TBC1D19: variants seen among roughly 807,000 people sequenced by gnomAD.
TBC1D19 encodes the protein TBC1 domain family, member 19.
Under a neutral mutation model 89.0 loss-of-function variants are expected in TBC1D19, and 60 were observed. The ratio of observed to expected loss-of-function variants is 0.67; its 90% CI spans 0.55 to 0.84. The LOEUF is 0.84. Ranked by LOEUF, TBC1D19 falls within the 40% of genes least tolerant of loss-of-function variation. TBC1D19 has a pLI of 0.00. For missense variants in TBC1D19, 500 were observed against 610.8 expected, an observed-to-expected ratio of 0.82 and a Z score of 1.91; for synonymous variants, 189 against 199.7, an observed-to-expected ratio of 0.95 and a Z score of 0.45.
intron 13 of TBC1D19, among the ~76,000 whole-genome samples, chr4:26,696,099 G>C (rs1372892389): frequency 6.6e-6 from 1 of 152,226 alleles, no homozygotes; most frequent in Non-Finnish European, 1.5e-5. Context: ...TCAGTGTGCT[G>C]TATTCAGGAG....
the TBC1D19 span, among the ~76,000 whole-genome samples, chr4:26,761,303 C>G: frequency 6.6e-6 from 1 of 152,154 alleles, no homozygotes; most frequent in East Asian, 1.9e-4. Context: ...TAATTGATAT[C>G]ATTAACAATG....
At chr4:26,665,462 T>G (rs370246644) in intron 8 of TBC1D19, among the ~76,000 whole-genome samples, 17 of 152,172 alleles carry the variant, frequency 1.1e-4, no homozygotes, top group South Asian at 4.2e-4. Context: ...GGCATAAAAA[T>G]GTGAATAATG....
chr4:26,796,228 G>C, the TBC1D19 span, among the ~76,000 whole-genome samples: 1 of 152,116 alleles, frequency 6.6e-6, no homozygotes, highest in African/African-American at 2.4e-5. Flanking sequence ...TATAGAATAA[G>C]CTTCCAAAAG....
At chr4:26,803,526 A>G in the TBC1D19 span, among the ~76,000 whole-genome samples, 5 of 152,350 alleles carry the variant, frequency 3.3e-5, no homozygotes, top group African/African-American at 1.2e-4. Context: ...CCCTGTGACT[A>G]GAGTTCTCAA....
downstream of TBC1D19, among the ~76,000 whole-genome samples, chr4:26,757,337 G>T (rs185317517): frequency 1.1e-4 from 16 of 152,102 alleles, no homozygotes; most frequent in East Asian, 2.9e-3. Context: ...CTTTAACCAC[G>T]CCTCCTTAGG....
intron 4 of TBC1D19, among the ~76,000 whole-genome samples, chr4:26,623,347 C>A (rs757801975): frequency 1.3e-5 from 2 of 152,116 alleles, no homozygotes; most frequent in Non-Finnish European, 2.9e-5. Context: ...CCAGTGGATT[C>A]TTTTTGCTGT....
intron 1 of TBC1D19, among the ~76,000 whole-genome samples, chr4:26,594,233 C>T (rs559616163): frequency 2.6e-5 from 4 of 152,192 alleles, no homozygotes; most frequent in South Asian, 2.1e-4. Context: ...AGCAAACTAT[C>T]GCATGGACAA....
chr4:26,607,964 G>T (rs1481201355), intron 1 of TBC1D19, among the ~76,000 whole-genome samples: 1 of 152,208 alleles, frequency 6.6e-6, no homozygotes, highest in Non-Finnish European at 1.5e-5. Flanking sequence ...GGCAGGCAAA[G>T]CACAAGTGCT....
At chr4:26,774,717 C>G in the TBC1D19 span, among the ~76,000 whole-genome samples, 1 of 152,174 alleles carries the variant, frequency 6.6e-6, no homozygotes, top group Non-Finnish European at 1.5e-5. Context: ...ATATTTTCTA[C>G]ATAAACGATA....
At chr4:26,659,361 T>TAAC (rs1281491792) in intron 7 of TBC1D19, among the ~76,000 whole-genome samples, 1 of 152,152 alleles carries the variant, frequency 6.6e-6, no homozygotes, top group African/African-American at 2.4e-5. Flanking sequence ...TTGGTAGAGT[T>TAAC]TTGTATTGTA....
At chr4:26,715,815 G>T (rs752247287) in intron 13 of TBC1D19, among the ~76,000 whole-genome samples, 12 of 152,096 alleles carry the variant, frequency 7.9e-5, no homozygotes, top group Non-Finnish European at 1.5e-4. Context: ...AGCTGCTATA[G>T]TTAGTCCTTC....
chr4:26,699,021 A>G (rs1282511154), intron 13 of TBC1D19, among the ~76,000 whole-genome samples: 1 of 152,246 alleles, frequency 6.6e-6, no homozygotes, highest in Non-Finnish European at 1.5e-5. Context: ...ATGTTATCTA[A>G]TTAAATGAAG....
chr4:26,695,944 C>T (rs992563890), intron 13 of TBC1D19, among the ~76,000 whole-genome samples: 1 of 152,190 alleles, frequency 6.6e-6, no homozygotes, highest in Non-Finnish European at 1.5e-5. Flanking sequence ...GAAGAAACTG[C>T]ATCAACTAGC....
At chr4:26,636,602 TA>T (rs937772318) in intron 4 of TBC1D19, among the ~76,000 whole-genome samples, 1 of 151,930 alleles carries the variant, frequency 6.6e-6, no homozygotes, top group Non-Finnish European at 1.5e-5. Flanking sequence ...TCCCAGATTT[TA>T]AAAAACTATA....
the TBC1D19 span, among the ~76,000 whole-genome samples, chr4:26,831,569 CTTTTTCTTCTTTT>C: frequency 4.8e-5 from 7 of 146,768 alleles, no homozygotes; most frequent in Admixed American, 2.0e-4. Context: ...TTCTTTCTTT[CTTTTTCTTCTTTT>C]TTTTTTTTCT....
chr4:26,828,376 A>G, the TBC1D19 span, among the ~76,000 whole-genome samples: 3 of 152,264 alleles, frequency 2.0e-5, no homozygotes, highest in Non-Finnish European at 2.9e-5. Flanking sequence ...GAGCAGAGCC[A>G]AAAAGAAAGT....
the TBC1D19 span, among the ~76,000 whole-genome samples, chr4:26,831,225 G>A: frequency 6.6e-6 from 1 of 152,152 alleles, no homozygotes; most frequent in Non-Finnish European, 1.5e-5. Flanking sequence ...CAGATGCTAT[G>A]TCTCCATTTT....
intron 7 of TBC1D19, among the ~76,000 whole-genome samples, chr4:26,644,468 A>G (rs1204403529): frequency 2.0e-5 from 3 of 152,252 alleles, no homozygotes; most frequent in African/African-American, 7.2e-5. Context: ...CCAGTATCAT[A>G]CTGAATGGGC....
chr4:26,822,545 T>G, the TBC1D19 span, among the ~76,000 whole-genome samples: 2 of 152,190 alleles, frequency 1.3e-5, no homozygotes, highest in African/African-American at 4.8e-5. Context: ...ATCCTGTTTT[T>G]GGGTTATTAC....
Sources: allele counts gnomAD v4.1 joint callset (sites outside exome capture counted in the v4.1 genomes callset), GRCh38; gene constraint gnomAD v4.1.1; transcripts MANE v1.5; gene names NCBI Gene and HGNC (gene_info 2026-07-23, HGNC 2026-07-21).